Variants in KLHL1 observed in about 807,000 individuals in gnomAD.
KLHL1 encodes kelch-like protein 1.
Under a neutral mutation model 77.7 loss-of-function variants are expected in KLHL1, and 47 were observed. The observed-to-expected ratio is 0.60, with a 90% CI of 0.48 to 0.77. The LOEUF is 0.77. Among genes scored for constraint, KLHL1 ranks in the 30% least tolerant of loss-of-function variants. The pLI is 0.00. For synonymous variants in KLHL1, 360 were observed against 325.2 expected (o/e 1.11, Z -1.15); for missense variants, 925 against 910.8 (o/e 1.02, Z -0.20).
At chr13:69,826,063 C>A (rs1878533287) in intron 6 of KLHL1, among the ~76,000 whole-genome samples, 1 of 151,984 alleles carries the variant, frequency 6.6e-6, no homozygotes, top group African/African-American at 2.4e-5. Context: ...GTGAACTAAA[C>A]CAGTCACAGA....
intron 1 of KLHL1, among the ~76,000 whole-genome samples, chr13:70,017,487 G>A (rs1444500341): frequency 6.6e-6 from 1 of 152,234 alleles, no homozygotes. Flanking sequence ...AGCAACTAGT[G>A]TGCCTAGCTC....
chr13:69,991,486 A>G (rs1885027645), intron 1 of KLHL1, among the ~76,000 whole-genome samples: 1 of 152,022 alleles, frequency 6.6e-6, no homozygotes, highest in Non-Finnish European at 1.5e-5. Context: ...ATCAGAAATG[A>G]CACAAGAGAC....
At chr13:70,094,317 C>T (rs536348805) in intron 1 of KLHL1, among the ~76,000 whole-genome samples, 2 of 149,864 alleles carry the variant, frequency 1.3e-5, no homozygotes, top group East Asian at 2.0e-4. Context: ...AGAGTGAGAA[C>T]CCAACTCTCA....
chr13:69,947,796 T>C (rs1193987877), intron 3 of KLHL1, among the ~76,000 whole-genome samples: 3 of 152,140 alleles, frequency 2.0e-5, no homozygotes, highest in Non-Finnish European at 4.4e-5. Context: ...TCATGCATGC[T>C]GTATTTCTCG....
At chr13:70,036,645 T>C (rs1018305097) in intron 1 of KLHL1, among the ~76,000 whole-genome samples, 1 of 151,952 alleles carries the variant, frequency 6.6e-6, no homozygotes, top group Non-Finnish European at 1.5e-5. Flanking sequence ...GTTTAATGAA[T>C]GTTGATGTAT....
At chr13:70,090,294 A>G (rs1887641991) in intron 1 of KLHL1, among the ~76,000 whole-genome samples, 2 of 152,202 alleles carry the variant, frequency 1.3e-5, no homozygotes, top group South Asian at 2.1e-4. Context: ...CTGAGGCTCC[A>G]AAGAGTAAAA....
At chr13:70,028,742 C>T (rs114097693) in intron 1 of KLHL1, among the ~76,000 whole-genome samples, 1,527 of 152,076 alleles carry the variant, frequency 0.01, 36 homozygotes, top group African/African-American at 0.034. Context: ...TTTGAGAGGC[C>T]GAAGCAGGTG....
chr13:69,994,150 G>A (rs779461247), intron 1 of KLHL1, among the ~76,000 whole-genome samples: 7 of 152,036 alleles, frequency 4.6e-5, no homozygotes, highest in Non-Finnish European at 8.8e-5. Flanking sequence ...ATCTCTAGTA[G>A]CATCGGGACA....
intron 6 of KLHL1, among the ~76,000 whole-genome samples, chr13:69,800,613 T>C (rs1877335228): frequency 6.6e-6 from 1 of 152,168 alleles, no homozygotes. Context: ...TTTATGAAAA[T>C]TATTAATAAT....
At chr13:69,993,394 C>T (rs1482372045) in intron 1 of KLHL1, among the ~76,000 whole-genome samples, 2 of 152,076 alleles carry the variant, frequency 1.3e-5, no homozygotes, top group African/African-American at 2.4e-5. Context: ...GCCTGCATTC[C>T]ATGGGATTGG....
intron 1 of KLHL1, among the ~76,000 whole-genome samples, chr13:70,038,605 T>TTTTTTTA (rs1886298049): frequency 7.4e-6 from 1 of 134,442 alleles, no homozygotes; most frequent in East Asian, 2.1e-4. Context: ...TTTTTTTTTT[T>TTTTTTTA]GAGATAGAGT....
chr13:69,985,834 ATGTG>A (rs1020051992), intron 1 of KLHL1, among the ~76,000 whole-genome samples: 1 of 138,896 alleles, frequency 7.2e-6, no homozygotes, highest in South Asian at 2.3e-4. Flanking sequence ...TATATATCTT[ATGTG>A]TGTGTATAGA....
intron 4 of KLHL1, among the ~76,000 whole-genome samples, chr13:69,937,805 A>T (rs989372425): frequency 2.6e-5 from 4 of 152,192 alleles, no homozygotes; most frequent in Non-Finnish European, 4.4e-5. Context: ...GACAAATAAT[A>T]AAGAAGAGAA....
intron 1 of KLHL1, among the ~76,000 whole-genome samples, chr13:70,008,084 C>G (rs757414485): frequency 1.3e-5 from 2 of 151,956 alleles, no homozygotes; most frequent in Non-Finnish European, 2.9e-5. Flanking sequence ...ACAGTATACA[C>G]TTTTTACAAG....
At chr13:70,069,473 A>C (rs1887089984) in intron 1 of KLHL1, among the ~76,000 whole-genome samples, 1 of 152,234 alleles carries the variant, frequency 6.6e-6, no homozygotes, top group South Asian at 2.1e-4. Context: ...GCAAAAACAA[A>C]CAACCAAAAC....
intron 5 of KLHL1, among the ~76,000 whole-genome samples, chr13:69,854,803 A>G (rs1231080646): frequency 6.6e-6 from 1 of 152,062 alleles, no homozygotes; most frequent in African/African-American, 2.4e-5. Context: ...TTTTACCACA[A>G]AACACTGTTA....
chr13:69,830,844 T>C (rs532760652), intron 6 of KLHL1, among the ~76,000 whole-genome samples: 2 of 150,272 alleles, frequency 1.3e-5, no homozygotes, highest in African/African-American at 5.0e-5. Context: ...TGATCCTGAA[T>C]GATTGTTGGG....
chr13:69,970,860 A>G (rs1482958532), intron 2 of KLHL1, among the ~76,000 whole-genome samples: 1 of 152,058 alleles, frequency 6.6e-6, no homozygotes, highest in Non-Finnish European at 1.5e-5. Flanking sequence ...AGGCTCTCAC[A>G]TGAGGGAATC....
intron 7 of KLHL1, among the ~76,000 whole-genome samples, chr13:69,757,651 A>C (rs891687774): frequency 6.6e-6 from 1 of 152,134 alleles, no homozygotes; most frequent in Admixed American, 6.6e-5. Flanking sequence ...TAAAGTACTT[A>C]ATCAAATAAG....
Sources: gnomAD v4.1 joint callset for allele counts (sites outside exome capture counted in the v4.1 genomes callset) on GRCh38, gnomAD v4.1.1 for gene constraint, MANE v1.5 for transcripts, NCBI Gene and HGNC (gene_info 2026-07-23, HGNC 2026-07-21) for gene names.